The following CD163L1 variants were observed in gnomAD, a reference collection of about 807,000 sequenced individuals.
CD163L1 encodes scavenger receptor cysteine-rich type 1 protein M160.
Under a neutral mutation model 165.4 loss-of-function variants are expected in CD163L1, and 124 were observed. The observed-to-expected ratio is 0.75, with a 90% CI of 0.65 to 0.87. CD163L1 has a LOEUF of 0.87. Ranked by LOEUF, CD163L1 falls within the 40% of genes least tolerant of loss-of-function variation. The pLI is 0.00. For missense variants in CD163L1, 1,525 were observed against 1,799.9 expected, an observed-to-expected ratio of 0.85 and a Z score of 2.76; for synonymous variants, 585 against 662.2, an observed-to-expected ratio of 0.88 and a Z score of 1.79.
intron 8 of CD163L1, among the ~76,000 whole-genome samples, chr12:7,392,533 A>T (rs1263891111): frequency 6.6e-6 from 1 of 152,194 alleles, no homozygotes; most frequent in Non-Finnish European, 1.5e-5. Flanking sequence ...GCAAGAGCAA[A>T]CAAATTCAAA....
rs1376679737 is a variant in CD163L1 at position 7,373,655 on chromosome 12, A to C, written c.3410-15T>G. 14 of 1,549,236 alleles carry C rather than the reference A, an allele frequency of 9.0e-6. No individual in the cohort carries two copies. Among genetic ancestry groups the C allele is most frequent in the Non-Finnish European group, 1.2e-5 (14 of 1,147,122 alleles). On this transcript the variant is annotated splice_polypyrimidine_tract_variant and intron_variant, in intron 13 of 19. Coordinates refer to ENST00000313599, the MANE Select transcript of CD163L1 (RefSeq NM_174941.6). ...GGCTGTGAATTCTACAGAGAAATAC[A>C]AAACTTAGTATTAAATATTTCCTTT...
chr12:7,329,092 GTATATATACACATATGTATC>G, the CD163L1 span, among the ~76,000 whole-genome samples: 1 of 147,058 alleles, frequency 6.8e-6, no homozygotes, highest in African/African-American at 2.5e-5. Flanking sequence ...ATATCTGAAT[GTATATATACACATATGTATC>G]TATATATACA....
rs931309180 is a variant in CD163L1 at position 7,354,962 on chromosome 12, T to TA, written c.*192dup. On this transcript the variant is annotated 3_prime_UTR_variant, in exon 20 of 20. Transcript: ENST00000313599. ...GGAAAACACAAACATTCAGTCCATT[T>TA]AACAGTGATATACATAATTCAATTT... is the stretch of plus-strand genomic sequence containing the variant. 6.6e-6 allele frequency: 1 copy of TA among 152,172 alleles called. No homozygotes were observed. Among genetic ancestry groups the TA allele is most frequent in the African/African-American group, 2.4e-5 (1 of 41,450 alleles). The allele number at this position is 152,172 out of a possible 1,614,324, so 9.4% of individuals were successfully genotyped here.
chr12:7,424,681 T>C lies in CD163L1; in HGVS notation c.766+7735A>G, dbSNP rs1231491261. On this transcript the variant is annotated intron_variant, in intron 4 of 19. Transcript: ENST00000313599. Reference sequence around the variant, plus strand: ...TGTGCAAAAATCACAAGCATTCCTATACACCAATAATAGACAAACAGAGAG... The same window carrying C: ...TGTGCAAAAATCACAAGCATTCCTACACACCAATAATAGACAAACAGAGAG... Among the ~76,000 whole-genome samples, 4 of 152,138 alleles carry C rather than the reference T, an allele frequency of 2.6e-5. No individual in the cohort carries two copies. In the East Asian group the frequency reaches 7.7e-4, roughly 29 times the overall value.
At chr12:7,417,802 G>A (rs769836992) in intron 4 of CD163L1, among the ~76,000 whole-genome samples, 37 of 152,094 alleles carry the variant, frequency 2.4e-4, no homozygotes, top group African/African-American at 6.3e-4. Flanking sequence ...TGTGCTGCTG[G>A]ATTTAGTTTG....
rs1267481531 is a variant in CD163L1 at position 7,368,164 on chromosome 12, C to T, written c.4106G>A (p.Gly1369Glu). The T allele has an allele frequency of 6.2e-7, 1 of 1,610,088 alleles. No homozygotes were observed. The highest frequency in any genetic ancestry group is 1.1e-5 in the South Asian group (1 of 90,968). ...AATAAACAGAACCAGGAGAAGGAGC[C>T]CAAAGATACTGGATAAAATAAGTGC... ...HLALILSSIF[G>E]LLLLVLFILF... is the part of the protein sequence containing the mutation. The change falls in exon 17 of 20, where the codon GGG becomes GAG. Residue 1369 changes from glycine to glutamate, a missense_variant. Gly to Glu is a moderately conservative substitution (Grantham distance 98). Transcript: ENST00000313599. The surrounding 1 kb of genome is among the most constrained non-coding windows in gnomAD (Gnocchi z 4.3).
Position 7,369,087 on chromosome 12 carries a change from T to C in CD163L1, c.4040-122A>G. ...TCCTTTTAACATCTCCTGTGAATAC[T>C]GGATGTCATTTAAAATATCAGTCAG... On this transcript the variant is annotated intron_variant, in intron 15 of 19. Transcript: ENST00000313599. The surrounding 1 kb of genome is among the most constrained non-coding windows in gnomAD (Gnocchi z 4.9). The C allele has an allele frequency of 1.8e-6, 2 of 1,130,736 alleles. No homozygotes were observed. Among genetic ancestry groups the C allele is most frequent in the Non-Finnish European group, 2.6e-6 (2 of 778,990 alleles). The allele number at this position is 1,130,736 out of a possible 1,614,324, so 70.0% of individuals were successfully genotyped here.
intron 17 of CD163L1, chr12:7,367,550 A>G (rs769273650): frequency 7.6e-6 from 3 of 394,202 alleles, no homozygotes; most frequent in South Asian, 4.2e-5. Context: ...AGTTCTTTAC[A>G]TAGTATTTAC....
At chr12:7,431,987 A>G (rs1266107719) in intron 4 of CD163L1, among the ~76,000 whole-genome samples, 3 of 152,286 alleles carry the variant, frequency 2.0e-5, no homozygotes, top group Non-Finnish European at 4.4e-5. Context: ...TAAATTGCCA[A>G]AGGAAAGAGG....
intron 4 of CD163L1, among the ~76,000 whole-genome samples, chr12:7,348,074 T>G (rs1946682039): frequency 1.3e-5 from 2 of 152,234 alleles, no homozygotes; most frequent in Admixed American, 1.3e-4. Flanking sequence ...CACTCATGAC[T>G]ATTAGAAATT....
the CD163L1 span, among the ~76,000 whole-genome samples, chr12:7,319,166 G>C: frequency 6.6e-6 from 1 of 152,098 alleles, no homozygotes; most frequent in South Asian, 2.1e-4. Context: ...AGATCATCAG[G>C]CATTAGATTC....
At chr12:7,339,591 G>T in the CD163L1 span, among the ~76,000 whole-genome samples, 2 of 151,920 alleles carry the variant, frequency 1.3e-5, no homozygotes, top group East Asian at 3.9e-4. Context: ...GCTCAGTTCT[G>T]GTCTCAGTGA....
chr12:7,378,174 T>C (rs1041746626), intron 9 of CD163L1, among the ~76,000 whole-genome samples: 12 of 152,182 alleles, frequency 7.9e-5, no homozygotes, highest in Non-Finnish European at 1.8e-4. Flanking sequence ...CCACATTCAG[T>C]GTATTCAGTT....
At chr12:7,433,800 T>C in intron 2 of CD163L1, 106 bp from the exon 3 acceptor site, 1 of 822,254 alleles carries the variant, frequency 1.2e-6, no homozygotes, top group Non-Finnish European at 1.8e-6. Context: ...ATGTTGTTAT[T>C]AGAACTTATA....
chr12:7,409,530 C>T (rs1224614660), intron 4 of CD163L1, among the ~76,000 whole-genome samples: 1 of 152,088 alleles, frequency 6.6e-6, no homozygotes, highest in Non-Finnish European at 1.5e-5. Context: ...ATAGGGTTTG[C>T]GCTCCTGTGA....
the CD163L1 span, among the ~76,000 whole-genome samples, chr12:7,331,245 C>T: frequency 0.02 from 3,037 of 152,328 alleles, 94 homozygotes; most frequent in African/African-American, 0.068. Context: ...AGGAGGGGCG[C>T]CTGCCATTGC....
At chr12:7,421,932 G>A (rs751628207) in intron 4 of CD163L1, among the ~76,000 whole-genome samples, 15 of 152,060 alleles carry the variant, frequency 9.9e-5, no homozygotes, top group Admixed American at 5.2e-4. Context: ...CACAGTGCTC[G>A]AGCTCTGCTA....
chr12:7,421,512 T>TATAC (rs1948413728), intron 4 of CD163L1, among the ~76,000 whole-genome samples: 2 of 113,584 alleles, frequency 1.8e-5, no homozygotes. Context: ...CATATACATA[T>TATAC]ACATATATGT....
At chr12:7,329,682 A>C in the CD163L1 span, among the ~76,000 whole-genome samples, 2 of 152,180 alleles carry the variant, frequency 1.3e-5, no homozygotes, top group South Asian at 4.1e-4. Context: ...AAAGCACTCA[A>C]TTCTTACCCT....
Sources: gnomAD v4.1 joint callset for allele counts (sites outside exome capture counted in the v4.1 genomes callset) on GRCh38, gnomAD v4.1.1 for gene constraint, Gnocchi (gnomAD v3.1) non-coding constraint, MANE v1.5 for transcripts, NCBI Gene and HGNC (gene_info 2026-07-23, HGNC 2026-07-21) for gene names.